DLG2: variants seen among roughly 807,000 people sequenced by gnomAD.
The protein encoded by DLG2 is disks large homolog 2.
A neutral mutation model predicts 132.5 loss-of-function variants in DLG2; 45 were observed. The observed-to-expected ratio is 0.34, with a 90% CI of 0.27 to 0.44. The LOEUF (loss-of-function observed/expected upper bound fraction) is 0.44. DLG2 is among the 20% of genes least tolerant of loss of function. The probability of loss-of-function intolerance (pLI) is 1.00; values close to 1 mark genes in which losing one functional copy is unlikely to be tolerated. For missense variants in DLG2, 1,045 were observed against 1,196.9 expected, an observed-to-expected ratio of 0.87 and a Z score of 1.87; for synonymous variants, 424 against 419.6, an observed-to-expected ratio of 1.01 and a Z score of -0.13.
intron 6 of DLG2, among the ~76,000 whole-genome samples, chr11:84,680,877 G>T (rs1462019503): frequency 6.6e-6 from 1 of 152,164 alleles, no homozygotes; most frequent in Non-Finnish European, 1.5e-5. Context: ...AACCCAAGTT[G>T]AGTACACAGA....
chr11:84,599,394 G>A (rs2099570648), intron 6 of DLG2, among the ~76,000 whole-genome samples: 1 of 152,152 alleles, frequency 6.6e-6, no homozygotes, highest in Non-Finnish European at 1.5e-5. Flanking sequence ...GACCCATCTA[G>A]GCAGAATCAG....
At chr11:84,630,699 T>C (rs1017167703) in intron 6 of DLG2, among the ~76,000 whole-genome samples, 1 of 151,744 alleles carries the variant, frequency 6.6e-6, no homozygotes, top group Non-Finnish European at 1.5e-5. Flanking sequence ...TAACACATTA[T>C]AACAATTTTC....
chr11:84,282,199 C>T (rs1026825292), intron 7 of DLG2, among the ~76,000 whole-genome samples: 2 of 152,112 alleles, frequency 1.3e-5, no homozygotes, highest in Non-Finnish European at 2.9e-5. Flanking sequence ...AATATTGACA[C>T]ATGCAAAAAC....
At chr11:83,817,927 T>C (rs1016657626) in intron 17 of DLG2, among the ~76,000 whole-genome samples, 1 of 152,188 alleles carries the variant, frequency 6.6e-6, no homozygotes, top group Non-Finnish European at 1.5e-5. Context: ...CTAACATACG[T>C]TTAGTCATAA....
chr11:83,480,024 C>CCTGCTGAGAGTTT (rs1218142914), intron 22 of DLG2, among the ~76,000 whole-genome samples: 1 of 152,044 alleles, frequency 6.6e-6, no homozygotes, highest in African/African-American at 2.4e-5. Context: ...TTTTCCACCT[C>CCTGCTGAGAGTTT]CTGCTGAGAG....
intron 6 of DLG2, among the ~76,000 whole-genome samples, chr11:84,769,473 G>C (rs1173029427): frequency 6.6e-6 from 1 of 152,048 alleles, no homozygotes; most frequent in African/African-American, 2.4e-5. Context: ...AGAGAAATAT[G>C]GGATTATTTA....
At chr11:84,247,220 T>C (rs1274890665) in intron 8 of DLG2, among the ~76,000 whole-genome samples, 2 of 152,172 alleles carry the variant, frequency 1.3e-5, no homozygotes, top group Non-Finnish European at 2.9e-5. Flanking sequence ...CTGTTCAATA[T>C]TGAACTCTAA....
chr11:84,586,118 T>A lies in DLG2; in HGVS notation c.358-51387A>T, dbSNP rs534397433. On this transcript the variant is annotated intron_variant, in intron 6 of 27. Transcript: ENST00000376104. Reference sequence around the variant, plus strand: ...GTGAGCCAAGATCGTGCCACTGCACTGCAGCCGGGGTGACAGAGTGAGATT... The same window carrying A: ...GTGAGCCAAGATCGTGCCACTGCACAGCAGCCGGGGTGACAGAGTGAGATT... Among the ~76,000 whole-genome samples, 310 of 141,438 alleles carry A rather than the reference T, an allele frequency of 2.2e-3. 1 individual carries two copies. Among genetic ancestry groups the A allele is most frequent in the African/African-American group, 8.6e-3 (297 of 34,468 alleles). The allele number at this position is 141,438 out of a possible 152,430, so 92.8% of individuals were successfully genotyped here.
At chr11:85,569,869 A>G (rs938545105) in intron 3 of DLG2, among the ~76,000 whole-genome samples, 4 of 152,220 alleles carry the variant, frequency 2.6e-5, no homozygotes, top group Non-Finnish European at 5.9e-5. Flanking sequence ...CACCAATCCC[A>G]TTACTGGGTA....
chr11:84,565,355 T>C (rs932333567), intron 6 of DLG2, among the ~76,000 whole-genome samples: 8 of 152,182 alleles, frequency 5.3e-5, no homozygotes, highest in Non-Finnish European at 8.8e-5. Context: ...TGCTGTATAA[T>C]ACTGTAAAGA....
intron 6 of DLG2, among the ~76,000 whole-genome samples, chr11:84,696,741 A>C (rs1431970082): frequency 6.6e-6 from 1 of 151,400 alleles, no homozygotes; most frequent in Non-Finnish European, 1.5e-5. Context: ...ATACATATGG[A>C]GAAATAATGT....
chr11:84,521,436 G>C (rs931372573), intron 7 of DLG2, among the ~76,000 whole-genome samples: 9 of 152,188 alleles, frequency 5.9e-5, no homozygotes, highest in African/African-American at 2.2e-4. Flanking sequence ...CCTTGGGAAA[G>C]TCTCATAACA....
rs79544453 is a variant in DLG2 at position 84,087,848 on chromosome 11, G to C, written c.749+11075C>G. 4.5e-3 allele frequency among the ~76,000 whole-genome samples: 678 copies of C among 152,336 alleles called. 2 individuals carry two copies. The highest frequency in any genetic ancestry group is 8.5e-3 in the South Asian group (41 of 4,828). On this transcript the variant is annotated intron_variant, in intron 10 of 27. Transcript: ENST00000376104. ...ATTCCAAGTTTATCTCAGTGAGTCT[G>C]ATTTTGGACTTCTGACGTCCAGAAC...
intron 7 of DLG2, among the ~76,000 whole-genome samples, chr11:84,501,399 G>T (rs1159349850): frequency 6.6e-6 from 1 of 151,980 alleles, no homozygotes; most frequent in African/African-American, 2.4e-5. Context: ...AACCCGTCTT[G>T]ACTAAAAATA....
At chr11:84,237,379 A>C (rs2097171927) in intron 8 of DLG2, among the ~76,000 whole-genome samples, 1 of 152,192 alleles carries the variant, frequency 6.6e-6, no homozygotes, top group Non-Finnish European at 1.5e-5. Flanking sequence ...AGAGATACTG[A>C]TTATAATGCG....
At chr11:84,751,034 A>C (rs1262045693) in intron 6 of DLG2, among the ~76,000 whole-genome samples, 1 of 152,184 alleles carries the variant, frequency 6.6e-6, no homozygotes, top group African/African-American at 2.4e-5. Flanking sequence ...AGACAGCATT[A>C]GAAAAAAAGA....
chr11:84,162,854 A>G (rs1053208569), intron 9 of DLG2, among the ~76,000 whole-genome samples: 1 of 152,002 alleles, frequency 6.6e-6, no homozygotes, highest in African/African-American at 2.4e-5. Context: ...TGTCCTGTTA[A>G]TGCTTTTTGG....
intron 7 of DLG2, among the ~76,000 whole-genome samples, chr11:84,440,954 A>G (rs1161828047): frequency 6.6e-6 from 1 of 152,208 alleles, no homozygotes; most frequent in Non-Finnish European, 1.5e-5. Context: ...CCAAGGAATT[A>G]ATATCTGGTG....
chr11:84,833,392 GT>G (rs1435643079), intron 6 of DLG2, among the ~76,000 whole-genome samples: 2 of 151,454 alleles, frequency 1.3e-5, no homozygotes, highest in South Asian at 2.1e-4. Flanking sequence ...ATGAAAACTG[GT>G]TTTTATCTCA....
Sources: gnomAD v4.1 joint callset for allele counts (sites outside exome capture counted in the v4.1 genomes callset) on GRCh38, gnomAD v4.1.1 for gene constraint, MANE v1.5 for transcripts, NCBI Gene and HGNC (gene_info 2026-07-23, HGNC 2026-07-21) for gene names.